Variants in APOLD1 observed in about 807,000 individuals in gnomAD.
The protein encoded by APOLD1 is apolipoprotein L domain-containing protein 1.
APOLD1 carries 22 observed loss-of-function variants against 15.3 expected under a neutral mutation model. That is an observed-to-expected ratio of 1.44 (90% CI 1.03 to 2.05). APOLD1 has a LOEUF of 2.05. Ranked by LOEUF, APOLD1 falls within the 30% of genes most tolerant of loss-of-function variation. The pLI is 0.00. For missense variants in APOLD1, 394 were observed against 353.5 expected, an observed-to-expected ratio of 1.11 and a Z score of -0.92; for synonymous variants, 190 against 167.4, an observed-to-expected ratio of 1.13 and a Z score of -1.04.
chr12:12,766,438 G>T (rs962987352), intron 1 of APOLD1, among the ~76,000 whole-genome samples: 2 of 152,150 alleles, frequency 1.3e-5, no homozygotes, highest in Non-Finnish European at 2.9e-5. Context: ...AAAGGACAAA[G>T]AATATTATAG....
chr12:12,772,775 A>G lies in APOLD1; in HGVS notation c.97-14134A>G, dbSNP rs78075558. On this transcript the variant is annotated intron_variant, in intron 1 of 1. Coordinates refer to the APOLD1 transcript ENST00000326765. Reference sequence around the variant, plus strand: ...TAACAACATTTAAAAGAATGAAAATAATGTAATGTCTACTCTCAGACCACA... The same window carrying G: ...TAACAACATTTAAAAGAATGAAAATGATGTAATGTCTACTCTCAGACCACA... Among the ~76,000 whole-genome samples, 286 of 152,378 alleles carry G rather than the reference A, an allele frequency of 1.9e-3. 3 individuals are homozygous for G. The highest frequency in any genetic ancestry group is 5.9e-3 in the African/African-American group (247 of 41,590).
chr12:12,740,542 T>C (rs1469493641), intron 1 of APOLD1, among the ~76,000 whole-genome samples: 1 of 152,260 alleles, frequency 6.6e-6, no homozygotes, highest in East Asian at 1.9e-4. Context: ...ACCCCAGTAG[T>C]TGACTGTCTT....
chr12:12,766,556 A>T (rs1946943736), intron 1 of APOLD1, among the ~76,000 whole-genome samples: 1 of 152,238 alleles, frequency 6.6e-6, no homozygotes, highest in Non-Finnish European at 1.5e-5. Flanking sequence ...ATATAAAATC[A>T]GCTGGGGCCA....
At chr12:12,745,797 CA>C (rs1946761100) in intron 1 of APOLD1, among the ~76,000 whole-genome samples, 1 of 152,026 alleles carries the variant, frequency 6.6e-6, no homozygotes, top group African/African-American at 2.4e-5. Flanking sequence ...AAAAGGGAAG[CA>C]AAAGGCAAGG....
intron 1 of APOLD1, chr12:12,771,665 T>C: frequency 1.4e-5 from 7 of 485,214 alleles, no homozygotes; most frequent in Non-Finnish European, 2.9e-5. Context: ...CCCAAGCCTC[T>C]TGTCTCCTCT....
intron 1 of APOLD1, chr12:12,771,407 C>G (rs1175525220): frequency 2.7e-6 from 1 of 376,994 alleles, no homozygotes; most frequent in East Asian, 6.9e-5. Flanking sequence ...ACAAAATCAT[C>G]ATTATTATCC....
chr12:12,744,075 GGAGGCT>G (rs1946747583), intron 1 of APOLD1, among the ~76,000 whole-genome samples: 2 of 152,194 alleles, frequency 1.3e-5, no homozygotes, highest in Non-Finnish European at 2.9e-5. Flanking sequence ...CAACACTTTG[GGAGGCT>G]GAGGCTGGTG....
chr12:12,751,219 G>A (rs577621277), intron 1 of APOLD1, among the ~76,000 whole-genome samples: 3 of 152,250 alleles, frequency 2.0e-5, no homozygotes, highest in East Asian at 3.9e-4. Context: ...TCATGAAGGT[G>A]GGGCAAGGAT....
At chr12:12,747,448 C>T (rs1334835258) in intron 1 of APOLD1, among the ~76,000 whole-genome samples, 3 of 152,196 alleles carry the variant, frequency 2.0e-5, no homozygotes, top group Non-Finnish European at 2.9e-5. Context: ...CTTATCCTGT[C>T]CACTTTCCCC....
In APOLD1 at chr12:12,790,296, C is replaced by T. The variant is rs762983924; in HGVS notation, c.*2644C>T. 7 of 151,962 alleles carry T rather than the reference C, an allele frequency of 4.6e-5. No homozygotes were observed. Among genetic ancestry groups the T allele is most frequent in the South Asian group, 2.1e-4 (1 of 4,796 alleles). The allele number at this position is 151,962 out of a possible 1,614,324, so 9.4% of individuals were successfully genotyped here. On this transcript the variant is annotated 3_prime_UTR_variant, in exon 2 of 2. Transcript: ENST00000356591. The stretch of plus-strand genomic sequence containing the variant: ...CTGGGATTACAGGCATGAGCCACCT[C>T]GCCTGGCCAGATGCTAGCATTTTAG...
intron 1 of APOLD1, among the ~76,000 whole-genome samples, chr12:12,739,983 ATTT>A (rs56013011): frequency 1.1e-4 from 15 of 138,650 alleles, no homozygotes; most frequent in East Asian, 2.1e-4. Context: ...CATCCGGCTA[ATTT>A]TTTTTTTTTT....
chr12:12,762,264 C>G (rs995070895), intron 1 of APOLD1, among the ~76,000 whole-genome samples: 1 of 152,046 alleles, frequency 6.6e-6, no homozygotes, highest in Non-Finnish European at 1.5e-5. Flanking sequence ...GGAGTTATAG[C>G]TAAGGATGGA....
chr12:12,763,869 T>C (rs1235241669), intron 1 of APOLD1, among the ~76,000 whole-genome samples: 1 of 152,210 alleles, frequency 6.6e-6, no homozygotes, highest in East Asian at 1.9e-4. Context: ...AAGTTTTTTT[T>C]CCCAAATATT....
At chr12:12,758,900 T>A (rs1298961763) in intron 1 of APOLD1, among the ~76,000 whole-genome samples, 1 of 152,212 alleles carries the variant, frequency 6.6e-6, no homozygotes, top group Non-Finnish European at 1.5e-5. Flanking sequence ...ATATATGAAT[T>A]GCCAGAGTCA....
intron 1 of APOLD1, among the ~76,000 whole-genome samples, chr12:12,736,140 A>C (rs1368781268): frequency 6.6e-6 from 1 of 151,908 alleles, no homozygotes; most frequent in African/African-American, 2.4e-5. Flanking sequence ...TGGATCACTC[A>C]GGAGTTCAAG....
At chr12:12,765,456 A>C (rs1211889528) in intron 1 of APOLD1, among the ~76,000 whole-genome samples, 1 of 152,228 alleles carries the variant, frequency 6.6e-6, no homozygotes, top group Non-Finnish European at 1.5e-5. Flanking sequence ...AAGCACTGTT[A>C]CACTTAAGGC....
intron 1 of APOLD1, among the ~76,000 whole-genome samples, chr12:12,742,877 A>C (rs1386882252): frequency 6.6e-6 from 1 of 152,142 alleles, no homozygotes; most frequent in Non-Finnish European, 1.5e-5. Flanking sequence ...TGATCCTCTC[A>C]CGTCAGCCTT....
intron 1 of APOLD1, among the ~76,000 whole-genome samples, chr12:12,772,299 C>G (rs1416095386): frequency 6.6e-6 from 1 of 152,128 alleles, no homozygotes; most frequent in Non-Finnish European, 1.5e-5. Flanking sequence ...GAAAGATACA[C>G]CCTGACAACA....
intron 1 of APOLD1, among the ~76,000 whole-genome samples, chr12:12,732,131 C>T (rs1410683512): frequency 6.6e-6 from 1 of 152,130 alleles, no homozygotes; most frequent in African/African-American, 2.4e-5. Context: ...CGTTCAAGCT[C>T]TCTATTCTCT....
Sources: allele counts gnomAD v4.1 joint callset (sites outside exome capture counted in the v4.1 genomes callset), GRCh38; gene constraint gnomAD v4.1.1; transcripts MANE v1.5; gene names NCBI Gene and HGNC (gene_info 2026-07-23, HGNC 2026-07-21).